The following MAP3K14 variants were observed in gnomAD, a reference collection of about 807,000 sequenced individuals.
The protein encoded by MAP3K14 is NF-kappa-beta-inducing kinase.
MAP3K14 carries 16 observed loss-of-function variants against 99.2 expected under a neutral mutation model. That is an observed-to-expected ratio of 0.16 (90% CI 0.11 to 0.24). MAP3K14 has a LOEUF of 0.24. Among genes scored for constraint, MAP3K14 ranks in the 10% least tolerant of loss-of-function variants. The probability of loss-of-function intolerance (pLI) is 1.00; values close to 1 mark genes in which losing one functional copy is unlikely to be tolerated. For missense variants in MAP3K14, 784 were observed against 1,208.7 expected (o/e 0.65, Z 5.21); for synonymous variants, 462 against 492.4 (o/e 0.94, Z 0.82).
At chr17:45,296,575 T>C (rs527570495) in intron 1 of MAP3K14, among the ~76,000 whole-genome samples, 125 of 152,186 alleles carry the variant, frequency 8.2e-4, no homozygotes, top group Non-Finnish European at 1.0e-3. Flanking sequence ...AGGGCAAGTA[T>C]CAGGCAGAGC....
chr17:45,264,746 C>A lies in MAP3K14; in HGVS notation c.2734G>T (p.Asp912Tyr). The part of the protein sequence containing the change: ...VTKDGQPVRY[D>Y]MEVPDSGIDL... ...ATGCCCGAGTCTGGCACCTCCATGT[C>A]GTAGCGAACAGGCTGCCCGTCTTTG... is the stretch of plus-strand genomic sequence containing the variant. Residue 912 changes from aspartate to tyrosine, a missense_variant, in exon 16 of 16, where the codon GAC becomes TAC. Physicochemically the swap from Asp to Tyr is radical, Grantham distance 160. Around this residue, in one of 5 missense-constraint regions of MAP3K14, gnomAD observed 130 missense variants for 220.4 expected, o/e 0.59. Coordinates refer to ENST00000344686, the MANE Select transcript of MAP3K14 (RefSeq NM_003954.5). 1 of 1,613,296 alleles carries A rather than the reference C, an allele frequency of 6.2e-7. No individual in the cohort carries two copies. Among genetic ancestry groups the A allele is most frequent in the Non-Finnish European group, 8.5e-7 (1 of 1,179,662 alleles).
In MAP3K14 at chr17:45,286,501, G is replaced by T; in HGVS notation, c.1082C>A (p.Ala361Glu). Residue 361 changes from alanine (A) to glutamate (E), a missense_variant, in exon 5 of 16, where the codon GCA (alanine) becomes GAA (glutamate). Physicochemically the swap from Ala to Glu is moderately radical, Grantham distance 107. Transcript: ENST00000344686. The surrounding 1 kb of genome is among the most constrained non-coding windows in gnomAD (Gnocchi z 4.1). ...HSLTSLAKTW[A>E]ARGSRSREPS... is the part of the protein sequence containing the mutation. The stretch of plus-strand genomic sequence containing the variant: ...CTCCCGGGATCTGGAGCCCCTTGCT[G>T]CCCAGGTCTTGGCCAGGCTGGTCAG... 1.2e-6 allele frequency: 2 copies of T among 1,606,442 alleles called. No individual in the cohort carries two copies. The highest frequency in any genetic ancestry group is 2.2e-5 in the South Asian group (2 of 89,638).
chr17:45,286,820 TGGGCAG>T lies in MAP3K14; in HGVS notation c.757_762del (p.Leu253_Pro254del). ...AGTCTGCTATAGGGGAAGGGGTGCGTGGGCAGGGGCAGGGGGCCTCCGTCCTGGGGG... is the reference window on the plus strand; with the variant it reads ...AGTCTGCTATAGGGGAAGGGGTGCGTGGGCAGGGGGCCTCCGTCCTGGGGG... On this transcript the variant is annotated inframe_deletion, in exon 5 of 16. Coordinates refer to ENST00000344686, the MANE Select transcript of MAP3K14 (RefSeq NM_003954.5). This position sits in a 1 kb window ranked among gnomAD's most constrained non-coding sequence, Gnocchi z 4.1. 1 of 1,613,078 alleles carries T rather than the reference TGGGCAG, an allele frequency of 6.2e-7. No individual in the cohort carries two copies. The highest frequency in any genetic ancestry group is 1.1e-5 in the South Asian group (1 of 90,964).
intron 11 of MAP3K14, among the ~76,000 whole-genome samples, chr17:45,270,117 C>T (rs1195462820): frequency 6.6e-6 from 1 of 152,088 alleles, no homozygotes; most frequent in East Asian, 1.9e-4. Flanking sequence ...GGTGGAAATC[C>T]CCACACATGT....
chr17:45,291,214 T>C lies in MAP3K14; in HGVS notation c.-20-449A>G, dbSNP rs200196320. ...CACATAAGCCTTTGGAGAGGACCTG[T>C]TGGCACACACCATCCACAGCGACTT... On this transcript the variant is annotated intron_variant, in intron 1 of 15. Transcript: ENST00000344686. Among the ~76,000 whole-genome samples the C allele has an allele frequency of 3.9e-5, 6 of 152,256 alleles. No homozygotes were observed. In the South Asian group the frequency reaches 6.2e-4, roughly 16 times the overall value.
intron 1 of MAP3K14, among the ~76,000 whole-genome samples, chr17:45,293,734 G>C (rs988647287): frequency 6.6e-6 from 1 of 152,100 alleles, no homozygotes; most frequent in Non-Finnish European, 1.5e-5. Flanking sequence ...GACCCTCACC[G>C]ACAGCCTCCA....
At chr17:45,273,474 G>A (rs1294364198) in intron 9 of MAP3K14, 29 bp downstream of exon 9, 2 of 1,545,942 alleles carry the variant, frequency 1.3e-6, no homozygotes, top group South Asian at 1.1e-5. Context: ...AATGCATTGG[G>A]GGGCACGGCA....
At chr17:45,294,937 G>T (rs1345637011) in intron 1 of MAP3K14, among the ~76,000 whole-genome samples, 1 of 152,218 alleles carries the variant, frequency 6.6e-6, no homozygotes, top group Non-Finnish European at 1.5e-5. Context: ...AACATGTCCA[G>T]CATTGCAGAA....
At chr17:45,309,963 A>C (rs1015217058) in intron 1 of MAP3K14, among the ~76,000 whole-genome samples, 1 of 150,542 alleles carries the variant, frequency 6.6e-6, no homozygotes, top group African/African-American at 2.4e-5. Context: ...GCCAGTGGAG[A>C]CTGTTGGGCA....
intron 1 of MAP3K14, among the ~76,000 whole-genome samples, chr17:45,308,042 T>C (rs1330825201): frequency 6.6e-6 from 1 of 152,006 alleles, no homozygotes; most frequent in African/African-American, 2.4e-5. Context: ...CTTGGGAAGG[T>C]AAAAAAGGGC....
intron 6 of MAP3K14, among the ~76,000 whole-genome samples, chr17:45,275,801 G>A (rs1180959913): frequency 1.9e-4 from 26 of 135,914 alleles, no homozygotes; most frequent in African/African-American, 4.7e-4. Flanking sequence ...TTGCTCTGTC[G>A]CCCAGGCTGG....
intron 6 of MAP3K14, chr17:45,282,145 C>A: frequency 6.6e-6 from 1 of 152,250 alleles, no homozygotes; most frequent in South Asian, 2.1e-4. Flanking sequence ...CTATGTTGCC[C>A]AGGCTGGTCT....
In MAP3K14 at chr17:45,286,750, T is replaced by C. The variant is rs779741662; in HGVS notation, c.833A>G (p.His278Arg). 1.2e-6 allele frequency: 2 copies of C among 1,609,880 alleles called. No homozygotes were observed. Among genetic ancestry groups the C allele is most frequent in the African/African-American group, 2.7e-5 (2 of 74,384 alleles). ...TTTGCCCAGGAAGGACTCCAGAGGG[T>C]GAGGTTTCCAGGGCTGGAGAGGGTG... is the stretch of plus-strand genomic sequence containing the variant. ...PFHPLQPWKP[H>R]PLESFLGKLA... Residue 278 changes from histidine (H) to arginine (R), a missense_variant, in exon 5 of 16, where the codon CAC (histidine) becomes CGC (arginine). By Grantham distance (29) the His-to-Arg change is conservative. Around this residue, in one of 5 missense-constraint regions of MAP3K14, gnomAD observed 138 missense variants for 164.1 expected, o/e 0.84. Transcript: ENST00000344686. The surrounding 1 kb of genome is among the most constrained non-coding windows in gnomAD (Gnocchi z 4.1).
chr17:45,293,806 C>A (rs1235762695), intron 1 of MAP3K14, among the ~76,000 whole-genome samples: 1 of 152,202 alleles, frequency 6.6e-6, no homozygotes. Context: ...AACACCACCT[C>A]CCACACAGAC....
intron 1 of MAP3K14, among the ~76,000 whole-genome samples, chr17:45,302,265 T>C (rs948563148): frequency 3.3e-5 from 5 of 152,186 alleles, no homozygotes; most frequent in Non-Finnish European, 7.3e-5. Context: ...TGTATCTCCC[T>C]CTACTGATTT....
chr17:45,307,156 G>A (rs2143866512), intron 1 of MAP3K14, among the ~76,000 whole-genome samples: 1 of 152,230 alleles, frequency 6.6e-6, no homozygotes, highest in East Asian at 1.9e-4. Flanking sequence ...TACTCGGGAG[G>A]CTGAGGCACA....
chr17:45,294,039 C>T (rs968630844), intron 1 of MAP3K14, among the ~76,000 whole-genome samples: 5 of 152,200 alleles, frequency 3.3e-5, no homozygotes, highest in Non-Finnish European at 5.9e-5. Context: ...CCTCCTGCAG[C>T]GTGTGGGGAG....
chr17:45,264,726 C>G lies in MAP3K14; in HGVS notation c.2754G>C (p.Ser918=), dbSNP rs55750938. ...PVRYDMEVPD[S]GIDLQCTLAP... ...CCAGTGTGCACTGCAGGTCGATGCC[C>G]GAGTCTGGCACCTCCATGTCGTAGC... is the stretch of plus-strand genomic sequence containing the variant. Residue 918 remains serine, a synonymous_variant, in exon 16 of 16, where the codon TCG becomes TCC. Transcript: ENST00000344686. The G allele has an allele frequency of 2.5e-6, 4 of 1,612,396 alleles. No individual in the cohort carries two copies. Among genetic ancestry groups the G allele is most frequent in the Middle Eastern group, 1.7e-4 (1 of 6,056 alleles).
rs557648562 is a variant in MAP3K14, at chr17:45,302,854, A to G, written c.-20-12089T>C. Among the ~76,000 whole-genome samples the G allele has an allele frequency of 3.8e-3, 579 of 152,328 alleles. 4 individuals are homozygous for G. The highest frequency in any genetic ancestry group is 0.013 in the African/African-American group (561 of 41,578). On this transcript the variant is annotated intron_variant, in intron 1 of 15. Transcript: ENST00000344686. The stretch of plus-strand genomic sequence containing the variant: ...CTGAGTTCTGGCAGCTGGGCCGCAA[A>G]ACAGAAGGCTGGAGATGGGCAAGCT...
Sources: gnomAD v4.1 joint callset for allele counts (sites outside exome capture counted in the v4.1 genomes callset) on GRCh38, gnomAD v4.1.1 for gene constraint, gnomAD v4.1.1 regional missense constraint, Gnocchi (gnomAD v3.1) non-coding constraint, MANE v1.5 for transcripts, NCBI Gene and HGNC (gene_info 2026-07-23, HGNC 2026-07-21) for gene names.